TEK: variants seen among roughly 807,000 people sequenced by gnomAD.
The protein encoded by TEK is angiopoietin-1 receptor.
A neutral mutation model predicts 131.8 loss-of-function variants in TEK; 43 were observed. The observed-to-expected ratio is 0.33, with a 90% CI of 0.26 to 0.42. The LOEUF is 0.42. Among genes scored for constraint, TEK ranks in the 10% least tolerant of loss-of-function variants. The pLI, the probability that TEK is intolerant of heterozygous loss-of-function variation, is 1.00. For synonymous variants in TEK, 580 were observed against 491.6 expected, an observed-to-expected ratio of 1.18 and a Z score of -2.38; for missense variants, 1,162 against 1,384.4, an observed-to-expected ratio of 0.84 and a Z score of 2.55.
intron 2 of TEK, among the ~76,000 whole-genome samples, chr9:27,167,388 C>T (rs35427459): frequency 1.2e-4 from 19 of 152,064 alleles, no homozygotes; most frequent in Admixed American, 2.6e-4. Context: ...CCACCGTGCC[C>T]GGCTAATTTT....
chr9:27,147,132 G>A (rs922835247), intron 1 of TEK, among the ~76,000 whole-genome samples: 1 of 152,156 alleles, frequency 6.6e-6, no homozygotes, highest in Non-Finnish European at 1.5e-5. Context: ...ATAAGAAATT[G>A]TTAAACCAAT....
Position 27,190,476 on chromosome 9 carries a change from A to G in TEK, c.1328-53A>G, listed in dbSNP as rs1449955328. On this transcript the variant is annotated intron_variant, in intron 9 of 22. Coordinates refer to ENST00000380036, the MANE Select transcript of TEK (RefSeq NM_000459.5). ...TATCTTCTACCTCTACCTAAGAACA[A>G]TCACAAAACCTCAAAGCCGAAGGAC... 2.5e-6 allele frequency: 4 copies of G among 1,610,320 alleles called. No homozygotes were observed. In the East Asian group the frequency reaches 6.7e-5, roughly 27 times the overall value.
chr9:27,138,311 C>G (rs1222159923), intron 1 of TEK, among the ~76,000 whole-genome samples: 2 of 152,220 alleles, frequency 1.3e-5, no homozygotes, highest in Non-Finnish European at 2.9e-5. Flanking sequence ...CTGATTGGTC[C>G]ATTTTGCAGA....
chr9:27,139,415 C>A (rs1426895772), intron 1 of TEK, among the ~76,000 whole-genome samples: 3 of 146,328 alleles, frequency 2.1e-5, no homozygotes, highest in Non-Finnish European at 4.5e-5. Flanking sequence ...GCATGCTCCG[C>A]CTCCTGGGTT....
chr9:27,219,687 T>C (rs748899358), intron 20 of TEK, among the ~76,000 whole-genome samples: 1 of 45,968 alleles, frequency 2.2e-5, no homozygotes, highest in African/African-American at 6.2e-5. Flanking sequence ...ATAACTATCA[T>C]TGATAAAATA....
intron 18 of TEK, among the ~76,000 whole-genome samples, chr9:27,216,333 G>A (rs973066070): frequency 1.3e-5 from 2 of 152,064 alleles, no homozygotes; most frequent in African/African-American, 2.4e-5. Context: ...ACTGAACTGA[G>A]GTGATACAGT....
intron 21 of TEK, among the ~76,000 whole-genome samples, chr9:27,227,638 G>A (rs1288621045): frequency 6.6e-6 from 1 of 152,130 alleles, no homozygotes; most frequent in Non-Finnish European, 1.5e-5. Flanking sequence ...GAGGCCTTTT[G>A]TGTAAGAGCA....
intron 16 of TEK, among the ~76,000 whole-genome samples, chr9:27,211,178 T>TATATGAATATATGTAA (rs1170865636): frequency 7.7e-6 from 1 of 130,226 alleles, no homozygotes; most frequent in Non-Finnish European, 1.6e-5. Context: ...TGTGTATATA[T>TATATGAATATATGTAA]ATATATGAAT....
At chr9:27,172,466 T>G in intron 4 of TEK, 150 bp from the exon 5 acceptor site, 1 of 1,086,810 alleles carries the variant, frequency 9.2e-7, no homozygotes, top group Non-Finnish European at 1.4e-6. Flanking sequence ...CTGTCTCCCA[T>G]ATTAGATGAT....
At chr9:27,138,716 A>T (rs1564054087) in intron 1 of TEK, among the ~76,000 whole-genome samples, 1 of 152,192 alleles carries the variant, frequency 6.6e-6, no homozygotes, top group Non-Finnish European at 1.5e-5. Flanking sequence ...TCAATCACAG[A>T]TGGAAAATAC....
At chr9:27,203,233 A>G in intron 13 of TEK, 114 bp downstream of exon 13, 1 of 1,110,640 alleles carries the variant, frequency 9.0e-7, no homozygotes, top group East Asian at 2.4e-5. Context: ...GGTTGAATGG[A>G]CAGGCATTTA....
intron 6 of TEK, among the ~76,000 whole-genome samples, chr9:27,178,908 T>C (rs568251579): frequency 6.6e-6 from 1 of 152,384 alleles, no homozygotes; most frequent in East Asian, 1.9e-4. Context: ...ATTTTTAGTT[T>C]TTAGCAGTTT....
intron 7 of TEK, among the ~76,000 whole-genome samples, chr9:27,180,709 G>C (rs1224405660): frequency 1.3e-5 from 2 of 152,004 alleles, no homozygotes; most frequent in African/African-American, 4.8e-5. Context: ...GAGCAATTTG[G>C]GATGGATTTA....
chr9:27,176,231 G>T (rs11791294), intron 6 of TEK, among the ~76,000 whole-genome samples: 19,743 of 152,118 alleles, frequency 0.13, 1,469 homozygotes, highest in Admixed American at 0.23. Flanking sequence ...TATGTATCAG[G>T]GCTGGTTTCT....
intron 1 of TEK, among the ~76,000 whole-genome samples, chr9:27,114,040 C>T (rs1488837741): frequency 6.6e-6 from 1 of 152,208 alleles, no homozygotes; most frequent in Non-Finnish European, 1.5e-5. Context: ...AGTTTAGGCT[C>T]CTTTACCATG....
At chr9:27,180,693 G>A (rs1824334519) in intron 7 of TEK, among the ~76,000 whole-genome samples, 1 of 152,162 alleles carries the variant, frequency 6.6e-6, no homozygotes, top group Admixed American at 6.5e-5. Flanking sequence ...ATGCGTAACA[G>A]AGAAAGAGCA....
Position 27,220,083 on chromosome 9 carries a change from A to G in TEK, c.3138A>G (p.Glu1046=), listed in dbSNP as rs1287168976. 1 of 1,613,912 alleles carries G rather than the reference A, an allele frequency of 6.2e-7. No individual in the cohort carries two copies. Among genetic ancestry groups the G allele is most frequent in the Admixed American group, 1.7e-5 (1 of 60,006 alleles). Residue 1046 remains glutamate, a synonymous_variant, in exon 21 of 23, where the codon GAA becomes GAG. Transcript: ENST00000380036. ...CCTACTGCGGGATGACTTGTGCAGA[A>G]CTCTACGAGAAGCTGCCCCAGGGCT... The part of the protein sequence containing the change: ...GTPYCGMTCA[E]LYEKLPQGYR...
At chr9:27,152,597 C>CA (rs1564062855) in intron 1 of TEK, among the ~76,000 whole-genome samples, 1 of 136,692 alleles carries the variant, frequency 7.3e-6, no homozygotes, top group South Asian at 3.0e-4. Flanking sequence ...GAAGCCCCCC[C>CA]GCCGCAAAAA....
intron 1 of TEK, among the ~76,000 whole-genome samples, chr9:27,149,285 A>G (rs777419576): frequency 6.6e-6 from 1 of 152,046 alleles, no homozygotes; most frequent in South Asian, 2.1e-4. Context: ...CATAGGTTCA[A>G]ATTGTATCTT....
Sources: gnomAD v4.1 joint callset for allele counts (sites outside exome capture counted in the v4.1 genomes callset) on GRCh38, gnomAD v4.1.1 for gene constraint, MANE v1.5 for transcripts, NCBI Gene and HGNC (gene_info 2026-07-23, HGNC 2026-07-21) for gene names.